MCM3AP: variants seen among roughly 807,000 people sequenced by gnomAD.
The protein encoded by MCM3AP is minichromosome maintenance complex component 3 associated protein, also known as germinal-center associated nuclear protein.
A neutral mutation model predicts 184.1 loss-of-function variants in MCM3AP; 126 were observed. That is an observed-to-expected ratio of 0.68 (90% confidence interval 0.59 to 0.79). The LOEUF is 0.79. Ranked by LOEUF, MCM3AP falls within the 30% of genes least tolerant of loss-of-function variation. MCM3AP has a pLI of 0.00. For synonymous variants in MCM3AP, 1,002 were observed against 979.3 expected (o/e 1.02, Z -0.43); for missense variants, 2,496 against 2,479.2 (o/e 1.01, Z -0.14).
At chr21:46,243,032 A>C in intron 24 of MCM3AP, 101 bp from the exon 25 acceptor site, 2 of 1,083,678 alleles carry the variant, frequency 1.8e-6, no homozygotes, top group Non-Finnish European at 2.6e-6. Flanking sequence ...GGTACAAATA[A>C]TATTTAAACA....
rs766652146 is a variant in MCM3AP, at chr21:46,267,088, G to A, written c.2683C>T (p.Arg895Ter). Residue 895 changes from arginine to a stop codon, truncating the protein, a stop_gained, in exon 10 of 28, where the codon CGA (arginine) becomes TGA (stop). Transcript: ENST00000291688. LOFTEE classifies it high-confidence loss of function. Reference protein sequence around the residue: ...LNFAYTVSTQRSTIFPLDGVV... With the variant: ...LNFAYTVSTQ ...CCATCCAGGGGAAAGATGGTAGATC[G>A]CTGTGTGCTCACCGTGTACGCAAAG... The A allele has an allele frequency of 2.5e-6, 4 of 1,614,020 alleles. No individual in the cohort carries two copies. Among genetic ancestry groups the A allele is most frequent in the Non-Finnish European group, 3.4e-6 (4 of 1,179,962 alleles).
At chr21:46,280,423 T>G in intron 3 of MCM3AP, 74 bp downstream of exon 3, 1 of 1,124,078 alleles carries the variant, frequency 8.9e-7, no homozygotes, top group Admixed American at 2.2e-5. Context: ...CTGGGCAACA[T>G]AGCGAGATCT....
In MCM3AP at chr21:46,244,873, G is replaced by A; in HGVS notation, c.4972C>T (p.Leu1658=). The change falls in exon 23 of 28, where the codon CTG becomes TTG. Residue 1658 remains leucine, a synonymous_variant. Transcript: ENST00000291688. The part of the protein sequence containing the change: ...PHLHWNAPEH[L]AWLKQAVLGF... The stretch of plus-strand genomic sequence containing the variant: ...AGCACAGCCTGCTTCAGCCAGGCCA[G>A]GTGCTCTGGGGCATTCCAGTGCAGG... 6.2e-7 allele frequency: 1 copy of A among 1,614,202 alleles called. No homozygotes were observed. Among genetic ancestry groups the A allele is most frequent in the Non-Finnish European group, 8.5e-7 (1 of 1,180,028 alleles).
intron 17 of MCM3AP, among the ~76,000 whole-genome samples, chr21:46,255,692 G>C (rs940306861): frequency 6.6e-6 from 1 of 151,990 alleles, no homozygotes; most frequent in Non-Finnish European, 1.5e-5. Flanking sequence ...GCCTCAGTTG[G>C]AGATGCATGA....
intron 10 of MCM3AP, 111 bp downstream of exon 10, chr21:46,266,871 G>A: frequency 8.6e-7 from 1 of 1,165,976 alleles, no homozygotes; most frequent in South Asian, 1.5e-5. Context: ...GCATGGCAGA[G>A]GGAATGCACC....
chr21:46,251,623 G>A lies in MCM3AP; in HGVS notation c.4196C>T (p.Thr1399Ile), dbSNP rs1033022322. The change falls in exon 20 of 28, where the codon ACA (threonine) becomes ATA (isoleucine). Residue 1399 changes from threonine to isoleucine, a missense_variant. Thr to Ile is a moderately conservative substitution (Grantham distance 89). Coordinates refer to ENST00000291688, the MANE Select transcript of MCM3AP (RefSeq NM_003906.5). ...CTGAATCCCACCAGCATCGCTGGAT[G>A]TGTCATCCACTGAGCCTTCATCTCC... Reference protein sequence around the residue: ...FMGDEGSVDDTSSDAGGIQTL... With the variant: ...FMGDEGSVDDISSDAGGIQTL... 1.9e-6 allele frequency: 3 copies of A among 1,610,798 alleles called. No individual in the cohort carries two copies. The highest frequency in any genetic ancestry group is 1.7e-6 in the Non-Finnish European group (2 of 1,177,114).
chr21:46,263,720 C>T (rs1471367539), intron 13 of MCM3AP, among the ~76,000 whole-genome samples: 1 of 121,160 alleles, frequency 8.3e-6, no homozygotes, highest in East Asian at 2.8e-4. Flanking sequence ...GTGGAGGTTA[C>T]AGTGAGGCTG....
intron 17 of MCM3AP, among the ~76,000 whole-genome samples, chr21:46,255,367 G>A (rs1173143458): frequency 6.6e-6 from 1 of 152,148 alleles, no homozygotes; most frequent in East Asian, 1.9e-4. Context: ...AGAGACTCGG[G>A]GAGCGCTAGG....
intron 10 of MCM3AP, chr21:46,266,670 C>A: frequency 2.9e-6 from 1 of 347,626 alleles, no homozygotes. Flanking sequence ...GGTTGTCCGT[C>A]ATTGGCTGGC....
chr21:46,272,529 C>G (rs1193644678), intron 8 of MCM3AP, 32 bp downstream of exon 8: 1 of 1,602,514 alleles, frequency 6.2e-7, no homozygotes, highest in Non-Finnish European at 8.5e-7. Flanking sequence ...TTTTCAGCCA[C>G]CTTAGGACAA....
Position 46,254,864 on chromosome 21 carries a change from G to A in MCM3AP, c.3933-20C>T, listed in dbSNP as rs200603551. On this transcript the variant is annotated intron_variant, in intron 17 of 27. Coordinates refer to ENST00000291688, the MANE Select transcript of MCM3AP (RefSeq NM_003906.5). ...CTTAACCTGCAAAGGAAAGCAGAAT[G>A]ACAGTGTCCCCGCAGGAGCTTAGTG... 6 of 1,602,092 alleles carry A rather than the reference G, an allele frequency of 3.7e-6. No homozygotes were observed. In the East Asian group the frequency reaches 8.9e-5, roughly 24 times the overall value.
chr21:46,281,490 G>C (rs1254830487), intron 2 of MCM3AP, among the ~76,000 whole-genome samples: 1 of 152,064 alleles, frequency 6.6e-6, no homozygotes, highest in Non-Finnish European at 1.5e-5. Context: ...GTTCAGCTGG[G>C]AAAATAAGCA....
intron 22 of MCM3AP, among the ~76,000 whole-genome samples, 173 bp downstream of exon 22, chr21:46,246,134 C>T (rs2080762268): frequency 6.6e-6 from 1 of 152,194 alleles, no homozygotes; most frequent in South Asian, 2.1e-4. Flanking sequence ...TGCATGAGCC[C>T]TGTAGTTTGA....
intron 17 of MCM3AP, 104 bp from the exon 18 acceptor site, chr21:46,254,948 G>A: frequency 1.2e-6 from 1 of 807,542 alleles, no homozygotes; most frequent in Non-Finnish European, 2.2e-6. Context: ...CACATTTTCT[G>A]CCAATGAAAC....
chr21:46,269,286 TTTTTA>T (rs1423355406), intron 9 of MCM3AP, among the ~76,000 whole-genome samples: 1 of 151,836 alleles, frequency 6.6e-6, no homozygotes, highest in Non-Finnish European at 1.5e-5. Context: ...CCTGGCTTTT[TTTTTA>T]TTTTTAGTAG....
At chr21:46,265,699 C>A (rs936137686) in intron 11 of MCM3AP, among the ~76,000 whole-genome samples, 176 bp from the exon 12 acceptor site, 1 of 152,136 alleles carries the variant, frequency 6.6e-6, no homozygotes, top group Non-Finnish European at 1.5e-5. Context: ...AAAACAAGCC[C>A]CAGGATGTCA....
At chr21:46,264,849 G>T (rs183028611) in intron 12 of MCM3AP, among the ~76,000 whole-genome samples, 1 of 152,144 alleles carries the variant, frequency 6.6e-6, no homozygotes, top group East Asian at 1.9e-4. Context: ...CCCATCCCAG[G>T]TCACACCCAT....
Position 46,251,460 on chromosome 21 carries a change from C to G in MCM3AP, c.4290+69G>C, listed in dbSNP as rs2080866871. ...GGGAATAAGCAGTATTTGCATGGTT[C>G]CAGTGATATCTGGGAGTAAGTGAAA... On this transcript the variant is annotated intron_variant, in intron 20 of 27. Transcript: ENST00000291688. 2.2e-6 allele frequency: 3 copies of G among 1,343,004 alleles called. No individual in the cohort carries two copies. In the Admixed American group the frequency reaches 5.6e-5, roughly 25 times the overall value. 83.2% of individuals were successfully genotyped at this position (1,343,004 alleles called of 1,614,324 possible).
intron 20 of MCM3AP, chr21:46,250,355 T>C (rs1024249716): frequency 6.7e-6 from 1 of 149,400 alleles, no homozygotes; most frequent in Non-Finnish European, 1.5e-5. Context: ...TGGTATGCAG[T>C]GGCCAAGAGG....
Sources: gnomAD v4.1 joint callset for allele counts (sites outside exome capture counted in the v4.1 genomes callset) on GRCh38, gnomAD v4.1.1 for gene constraint, MANE v1.5 for transcripts, NCBI Gene and HGNC (gene_info 2026-07-23, HGNC 2026-07-21) for gene names.